Variants in ZSWIM6 observed in about 807,000 individuals in gnomAD.
ZSWIM6 encodes the protein zinc finger SWIM-type containing 6.
A neutral mutation model predicts 113.2 loss-of-function variants in ZSWIM6; 9 were observed. The ratio of observed to expected loss-of-function variants is 0.08; its 90% CI spans 0.05 to 0.14. The LOEUF (loss-of-function observed/expected upper bound fraction) is 0.14. Ranked by LOEUF, ZSWIM6 falls within the 10% of genes least tolerant of loss-of-function variation. The pLI is 1.00. For synonymous variants in ZSWIM6, 611 were observed against 606.5 expected, an observed-to-expected ratio of 1.01 and a Z score of -0.11; for missense variants, 1,162 against 1,552.2, an observed-to-expected ratio of 0.75 and a Z score of 4.22.
intron 1 of ZSWIM6, chr5:61,375,497 G>A: frequency 1.3e-6 from 2 of 1,556,328 alleles, no homozygotes; most frequent in Non-Finnish European, 1.7e-6. Flanking sequence ...AAGAAACAAG[G>A]AAAACAGAGA....
In ZSWIM6 at chr5:61,531,529, A is replaced by AG; in HGVS notation, c.2053dup (p.Glu685GlyfsTer23). ...TACCTGCACACAAATTCTTAGAAGA[A>AG]GGGGAATCCTATTTAACGCTGGCTG... On this transcript the variant is annotated frameshift_variant, in exon 9 of 14. Coordinates refer to ENST00000252744, the MANE Select transcript of ZSWIM6 (RefSeq NM_020928.2). LOFTEE classifies it high-confidence loss of function. The AG allele has an allele frequency of 6.4e-7, 1 of 1,551,724 alleles. No homozygotes were observed. The highest frequency in any genetic ancestry group is 8.7e-7 in the Non-Finnish European group (1 of 1,146,982).
intron 10 of ZSWIM6, among the ~76,000 whole-genome samples, chr5:61,536,581 T>C (rs1749579209): frequency 6.6e-6 from 1 of 152,238 alleles, no homozygotes; most frequent in African/African-American, 2.4e-5. Context: ...ATGTCTGTAA[T>C]CAGAGAAGTA....
intron 1 of ZSWIM6, among the ~76,000 whole-genome samples, chr5:61,383,020 C>G (rs1443116896): frequency 6.6e-6 from 1 of 152,074 alleles, no homozygotes; most frequent in Non-Finnish European, 1.5e-5. Context: ...CCTTTAATTT[C>G]AAATCATCGA....
intron 2 of ZSWIM6, among the ~76,000 whole-genome samples, chr5:61,487,581 G>GT (rs1748055268): frequency 6.6e-6 from 1 of 151,792 alleles, no homozygotes; most frequent in African/African-American, 2.4e-5. Flanking sequence ...CTGTTTTATA[G>GT]TTTTTTTGTA....
chr5:61,447,886 A>G (rs753379550), intron 1 of ZSWIM6, among the ~76,000 whole-genome samples: 31 of 152,216 alleles, frequency 2.0e-4, no homozygotes, highest in Non-Finnish European at 4.1e-4. Context: ...AAGGGTTTAT[A>G]TAGCAGGGAA....
chr5:61,441,018 G>A (rs760240624), intron 1 of ZSWIM6, among the ~76,000 whole-genome samples: 1 of 152,090 alleles, frequency 6.6e-6, no homozygotes, highest in African/African-American at 2.4e-5. Flanking sequence ...GTGGCCTTTC[G>A]CTGTGTTGAG....
At chr5:61,372,250 C>T (rs1375342275) in intron 1 of ZSWIM6, among the ~76,000 whole-genome samples, 1 of 151,678 alleles carries the variant, frequency 6.6e-6, no homozygotes, top group Non-Finnish European at 1.5e-5. Flanking sequence ...TCCTTTGACA[C>T]TGAGCCTTTC....
At chr5:61,397,274 T>C (rs1415993787) in intron 1 of ZSWIM6, among the ~76,000 whole-genome samples, 1 of 152,224 alleles carries the variant, frequency 6.6e-6, no homozygotes, top group African/African-American at 2.4e-5. Flanking sequence ...TACAAATGTT[T>C]TTATGTAATC....
chr5:61,521,388 A>G lies in ZSWIM6; in HGVS notation c.1459A>G (p.Ser487Gly). 1.3e-6 allele frequency: 2 copies of G among 1,530,534 alleles called. No homozygotes were observed. Among genetic ancestry groups the G allele is most frequent in the East Asian group, 5.2e-5 (2 of 38,828 alleles). 94.8% of individuals were successfully genotyped at this position (1,530,534 alleles called of 1,614,324 possible). The change falls in exon 5 of 14, where the codon AGT becomes GGT. Residue 487 changes from serine (S) to glycine (G), a missense_variant. Around this residue, in one of 4 missense-constraint regions of ZSWIM6, gnomAD observed 620 missense variants for 804.6 expected, o/e 0.77. Transcript: ENST00000252744. The stretch of plus-strand genomic sequence containing the variant: ...TCCATGGGAAGATGGAAATCATGGC[A>G]GTGAATTACCCAACTTAACCAATGC... ...VCPWEDGNHG[S>G]ELPNLTNALP... is the part of the protein sequence containing the mutation.
chr5:61,366,285 T>C (rs1745149624), intron 1 of ZSWIM6, among the ~76,000 whole-genome samples: 1 of 152,210 alleles, frequency 6.6e-6, no homozygotes, highest in Admixed American at 6.5e-5. Context: ...TATACCAACC[T>C]GTACCCACTT....
At position 61,544,035 on chromosome 5, in the gene ZSWIM6, T is replaced by C. The variant is rs1186043713; in HGVS notation, c.3366T>C (p.His1122=). ...TLTTPGMVGL[H]GRRNSGKLMS... ...CCACTCCTGGCATGGTGGGACTTCATGGGAGGAGGAACTCTGGTAAGCTCA... is the reference window on the plus strand; with the variant it reads ...CCACTCCTGGCATGGTGGGACTTCACGGGAGGAGGAACTCTGGTAAGCTCA... The change falls in exon 14 of 14, where the codon CAT becomes CAC. Residue 1122 remains histidine, a synonymous_variant. Coordinates refer to ENST00000252744, the MANE Select transcript of ZSWIM6 (RefSeq NM_020928.2). 1.4e-5 allele frequency: 22 copies of C among 1,551,928 alleles called. No homozygotes were observed. The highest frequency in any genetic ancestry group is 1.7e-5 in the Non-Finnish European group (20 of 1,147,078).
chr5:61,384,790 G>T (rs749076057), intron 1 of ZSWIM6, among the ~76,000 whole-genome samples: 1 of 152,062 alleles, frequency 6.6e-6, no homozygotes, highest in African/African-American at 2.4e-5. Flanking sequence ...GGGCGCGGTG[G>T]GTCACACCTG....
chr5:61,540,251 T>C (rs956117505), intron 12 of ZSWIM6, among the ~76,000 whole-genome samples: 1 of 152,164 alleles, frequency 6.6e-6, no homozygotes. Context: ...CAGAGTCCAG[T>C]TTTAGATTTC....
chr5:61,412,998 C>CT (rs1309615480), intron 1 of ZSWIM6, among the ~76,000 whole-genome samples: 1 of 148,626 alleles, frequency 6.7e-6, no homozygotes, highest in Non-Finnish European at 1.5e-5. Flanking sequence ...TGTTTATTTT[C>CT]TTTTTTTTTC....
rs768788655 is a variant in ZSWIM6, at chr5:61,544,010, C to G, written c.3341C>G (p.Thr1114Ser). 2 of 1,551,858 alleles carry G rather than the reference C, an allele frequency of 1.3e-6. No individual in the cohort carries two copies. Among genetic ancestry groups the G allele is most frequent in the East Asian group, 4.9e-5 (2 of 40,912 alleles). Reference sequence around the variant, plus strand: ...GACATTTTGCGCAGATGCACTCTGACCACTCCTGGCATGGTGGGACTTCAT... The same window carrying G: ...GACATTTTGCGCAGATGCACTCTGAGCACTCCTGGCATGGTGGGACTTCAT... Reference protein sequence around the residue: ...LSDILRRCTLTTPGMVGLHGR... With the variant: ...LSDILRRCTLSTPGMVGLHGR... Residue 1114 changes from threonine (T) to serine (S), a missense_variant, in exon 14 of 14, where the codon ACC (threonine) becomes AGC (serine). Around this residue, in one of 4 missense-constraint regions of ZSWIM6, gnomAD observed 113 missense variants for 213.8 expected, o/e 0.53. Coordinates refer to ENST00000252744, the MANE Select transcript of ZSWIM6 (RefSeq NM_020928.2).
intron 1 of ZSWIM6, among the ~76,000 whole-genome samples, chr5:61,400,967 T>C (rs1381489430): frequency 3.3e-5 from 5 of 152,370 alleles, no homozygotes; most frequent in South Asian, 2.1e-4. Flanking sequence ...ATGTAATTTG[T>C]CTTGCTCTGA....
intron 1 of ZSWIM6, among the ~76,000 whole-genome samples, chr5:61,424,334 C>A (rs1033621606): frequency 7.2e-5 from 11 of 152,150 alleles, no homozygotes; most frequent in African/African-American, 2.7e-4. Context: ...TGAGTAGTTA[C>A]TAGCTCTGAG....
rs186240381 is a variant in ZSWIM6, at chr5:61,402,899, T to C, written c.677-69782T>C. Among the ~76,000 whole-genome samples, 131 of 152,342 alleles carry C rather than the reference T, an allele frequency of 8.6e-4. 1 individual carries two copies. Among genetic ancestry groups the C allele is most frequent in the Non-Finnish European group, 1.4e-3 (98 of 68,026 alleles). On this transcript the variant is annotated intron_variant, in intron 1 of 13. Transcript: ENST00000252744. ...GAAATTAACTCATTTTTGTATGTAATTTAATTGTGTAGCATTCACTAATTG... is the reference window on the plus strand; with the variant it reads ...GAAATTAACTCATTTTTGTATGTAACTTAATTGTGTAGCATTCACTAATTG...
intron 1 of ZSWIM6, among the ~76,000 whole-genome samples, chr5:61,342,237 A>T (rs1744566366): frequency 6.6e-6 from 1 of 152,184 alleles, no homozygotes; most frequent in Non-Finnish European, 1.5e-5. Flanking sequence ...GATGTGATTT[A>T]TGGTGAGACT....
Sources: allele counts gnomAD v4.1 joint callset (sites outside exome capture counted in the v4.1 genomes callset), GRCh38; gene constraint gnomAD v4.1.1; regional missense constraint gnomAD v4.1.1; transcripts MANE v1.5; gene names NCBI Gene and HGNC (gene_info 2026-07-23, HGNC 2026-07-21).